VPS13B: variants seen among roughly 807,000 people sequenced by gnomAD.
VPS13B encodes the protein intermembrane lipid transfer protein VPS13B.
VPS13B carries 285 observed loss-of-function variants against 426.4 expected under a neutral mutation model. The ratio of observed to expected loss-of-function variants is 0.67; its 90% confidence interval spans 0.61 to 0.74. The LOEUF (loss-of-function observed/expected upper bound fraction) is 0.74, where lower values mean the gene tolerates loss of function less well. VPS13B is among the 30% of genes least tolerant of loss of function. The pLI is 0.00. For missense variants in VPS13B, 4,537 were observed against 4,782.6 expected (o/e 0.95, Z 1.51); for synonymous variants, 1,676 against 1,676.4 (o/e 1.00, Z 0.01).
chr8:99,631,207 T>C (rs1828832432), intron 33 of VPS13B, among the ~76,000 whole-genome samples: 1 of 152,124 alleles, frequency 6.6e-6, no homozygotes, highest in Non-Finnish European at 1.5e-5. Context: ...GGTCCAAAAT[T>C]TCTTCCCAAG....
In VPS13B at chr8:99,801,424, AT is replaced by A. The variant is rs547776228; in HGVS notation, c.7942-7948del. On this transcript the variant is annotated intron_variant, in intron 43 of 61. Coordinates refer to ENST00000357162, the MANE Select transcript of VPS13B (RefSeq NM_152564.5). ...ATAGTTTGAAGCCATAGCTTGCTGC[AT>A]TTATGGCTTGTCTTTGTTTCTAACA... 6.2e-3 allele frequency among the ~76,000 whole-genome samples: 947 copies of A among 152,304 alleles called. 7 individuals are homozygous for A. The highest frequency in any genetic ancestry group is 0.021 in the African/African-American group (889 of 41,568).
At chr8:99,292,009 A>C (rs963253932) in intron 19 of VPS13B, among the ~76,000 whole-genome samples, 4 of 152,132 alleles carry the variant, frequency 2.6e-5, no homozygotes, top group African/African-American at 9.7e-5. Context: ...AGATTGTAGA[A>C]TATAAGATTG....
chr8:99,664,946 T>A (rs1830417840), intron 35 of VPS13B, among the ~76,000 whole-genome samples: 1 of 152,176 alleles, frequency 6.6e-6, no homozygotes, highest in Admixed American at 6.6e-5. Context: ...AGTGTAAAAC[T>A]GTTCCTATTT....
At chr8:99,843,852 G>C (rs1815839937) in intron 54 of VPS13B, among the ~76,000 whole-genome samples, 1 of 152,140 alleles carries the variant, frequency 6.6e-6, no homozygotes, top group Non-Finnish European at 1.5e-5. Flanking sequence ...TAAGTATATA[G>C]GGCAGTGGTA....
At chr8:99,217,375 T>C (rs1401364185) in intron 17 of VPS13B, among the ~76,000 whole-genome samples, 3 of 152,082 alleles carry the variant, frequency 2.0e-5, no homozygotes, top group African/African-American at 4.8e-5. Flanking sequence ...CATGTTTGAG[T>C]CTTAATTCCG....
chr8:99,722,861 A>G (rs1012271943), intron 39 of VPS13B, among the ~76,000 whole-genome samples: 2 of 152,216 alleles, frequency 1.3e-5, no homozygotes, highest in Admixed American at 1.3e-4. Context: ...TAGATTTTCA[A>G]TCAACATGAA....
At chr8:99,521,297 C>A (rs1245648894) in intron 30 of VPS13B, among the ~76,000 whole-genome samples, 1 of 152,180 alleles carries the variant, frequency 6.6e-6, no homozygotes, top group Admixed American at 6.6e-5. Flanking sequence ...TTGACCAAAT[C>A]TCTAATCACA....
intron 34 of VPS13B, among the ~76,000 whole-genome samples, chr8:99,653,599 C>A (rs566140855): frequency 6.6e-6 from 1 of 151,874 alleles, no homozygotes; most frequent in South Asian, 2.1e-4. Context: ...CAACACAGAG[C>A]AGCACATAAA....
chr8:99,092,460 A>T (rs1339582618), intron 3 of VPS13B, among the ~76,000 whole-genome samples: 3 of 152,202 alleles, frequency 2.0e-5, no homozygotes, highest in Non-Finnish European at 2.9e-5. Flanking sequence ...CTTTCAATGA[A>T]CGAAAACTGT....
chr8:99,389,075 G>A (rs926650292), intron 20 of VPS13B, among the ~76,000 whole-genome samples: 1 of 152,090 alleles, frequency 6.6e-6, no homozygotes, highest in Non-Finnish European at 1.5e-5. Context: ...CTTGAACCCG[G>A]AGGGCAGATG....
chr8:99,311,747 T>A (rs994765514), intron 19 of VPS13B, among the ~76,000 whole-genome samples: 4 of 152,298 alleles, frequency 2.6e-5, no homozygotes, highest in Admixed American at 2.0e-4. Context: ...GTCTCATTGA[T>A]CTGTCTAATG....
intron 33 of VPS13B, among the ~76,000 whole-genome samples, chr8:99,598,279 T>C (rs1483020142): frequency 6.6e-6 from 1 of 152,070 alleles, no homozygotes; most frequent in Non-Finnish European, 1.5e-5. Context: ...AACATAAATA[T>C]TATAGTTACA....
intron 23 of VPS13B, among the ~76,000 whole-genome samples, chr8:99,460,876 A>ACCT (rs1818790506): frequency 6.6e-6 from 1 of 152,098 alleles, no homozygotes; most frequent in Admixed American, 6.6e-5. Context: ...TGCTAGTGGA[A>ACCT]CCTCCTCTGT....
At chr8:99,177,105 G>A (rs1483366356) in intron 16 of VPS13B, among the ~76,000 whole-genome samples, 1 of 152,214 alleles carries the variant, frequency 6.6e-6, no homozygotes, top group Non-Finnish European at 1.5e-5. Flanking sequence ...TAGCAAGGAA[G>A]TGATGAGTGC....
intron 33 of VPS13B, among the ~76,000 whole-genome samples, chr8:99,611,511 T>G (rs984702255): frequency 1.3e-5 from 2 of 151,982 alleles, no homozygotes; most frequent in Non-Finnish European, 2.9e-5. Context: ...AATTCTCAAA[T>G]AGCTAAATGA....
In VPS13B at chr8:99,558,422, A is replaced by T. The variant is rs184907341; in HGVS notation, c.4949+1769A>T. On this transcript the variant is annotated intron_variant, in intron 31 of 61. Coordinates refer to ENST00000357162, the MANE Select transcript of VPS13B (RefSeq NM_152564.5). ...ATCATGTTTTCTTTTTATTATTATT[A>T]TTATGCTTTTAAGTTCTAGGGTACA... 7.9e-5 allele frequency among the ~76,000 whole-genome samples: 12 copies of T among 152,018 alleles called. No individual in the cohort carries two copies. In the East Asian group the frequency reaches 2.3e-3, roughly 29 times the overall value.
intron 24 of VPS13B, among the ~76,000 whole-genome samples, chr8:99,472,296 C>T (rs995749487): frequency 2.0e-5 from 3 of 151,870 alleles, no homozygotes; most frequent in African/African-American, 4.8e-5. Flanking sequence ...ATCCAACAAC[C>T]GTAGAATGTG....
chr8:99,652,153 A>T (rs1588589045), intron 34 of VPS13B, among the ~76,000 whole-genome samples: 1 of 152,146 alleles, frequency 6.6e-6, no homozygotes, highest in East Asian at 1.9e-4. Context: ...CAAAGGTCTA[A>T]TGAAGGGTCA....
intron 3 of VPS13B, among the ~76,000 whole-genome samples, chr8:99,053,418 T>G (rs1188554847): frequency 2.0e-5 from 3 of 152,090 alleles, no homozygotes; most frequent in African/African-American, 7.2e-5. Flanking sequence ...TTGCGATAGT[T>G]TGCTGAGAAT....
Sources: gnomAD v4.1 joint callset for allele counts (sites outside exome capture counted in the v4.1 genomes callset) on GRCh38, gnomAD v4.1.1 for gene constraint, MANE v1.5 for transcripts, NCBI Gene and HGNC (gene_info 2026-07-23, HGNC 2026-07-21) for gene names.